Variants in SVEP1 observed in about 807,000 individuals in gnomAD.
SVEP1 encodes the protein sushi, von Willebrand factor type A, EGF and pentraxin domain containing 1, also known as sushi, von Willebrand factor type A, EGF and pentraxin domain-containing protein 1.
Under a neutral mutation model 367.3 loss-of-function variants are expected in SVEP1, and 164 were observed. The ratio of observed to expected loss-of-function variants is 0.45; its 90% CI spans 0.39 to 0.51. The LOEUF is 0.51. Among genes scored for constraint, SVEP1 ranks in the 20% least tolerant of loss-of-function variants. The pLI is 0.00. For missense variants in SVEP1, 4,117 were observed against 4,425.3 expected, an observed-to-expected ratio of 0.93 and a Z score of 1.98; for synonymous variants, 1,666 against 1,611.6, an observed-to-expected ratio of 1.03 and a Z score of -0.81.
At chr9:110,371,434 A>AC (rs1248991784) in intron 46 of SVEP1, among the ~76,000 whole-genome samples, 23 of 151,798 alleles carry the variant, frequency 1.5e-4, no homozygotes, top group Admixed American at 8.5e-4. Context: ...CTGCAGTGTT[A>AC]TTTTTTCCTC....
chr9:110,390,364 CTTATATCT>C (rs1166732489), intron 40 of SVEP1, among the ~76,000 whole-genome samples: 21 of 11,660 alleles, frequency 1.8e-3, no homozygotes, highest in Admixed American at 4.0e-3. Context: ...TATATATATA[CTTATATCT>C]ACTTATATAT....
intron 32 of SVEP1, among the ~76,000 whole-genome samples, 157 bp downstream of exon 32, chr9:110,431,758 A>G (rs1268754976): frequency 6.6e-6 from 1 of 152,198 alleles, no homozygotes; most frequent in Non-Finnish European, 1.5e-5. Flanking sequence ...TTTAGTTGTT[A>G]CTGATGTGTC....
At chr9:110,556,169 C>G (rs1367752332) in intron 1 of SVEP1, among the ~76,000 whole-genome samples, 1 of 152,130 alleles carries the variant, frequency 6.6e-6, no homozygotes, top group African/African-American at 2.4e-5. Context: ...GTAAGCTTCC[C>G]TTGTCCAGCA....
At chr9:110,466,866 C>G (rs1828946948) in intron 17 of SVEP1, among the ~76,000 whole-genome samples, 1 of 150,934 alleles carries the variant, frequency 6.6e-6, no homozygotes, top group African/African-American at 2.4e-5. Flanking sequence ...GGGAGTAGAA[C>G]ATAAAAGCAG....
At chr9:110,405,748 G>C (rs775361569) in intron 38 of SVEP1, among the ~76,000 whole-genome samples, 11 of 152,130 alleles carry the variant, frequency 7.2e-5, no homozygotes, top group Non-Finnish European at 1.3e-4. Flanking sequence ...ATCATGGCCT[G>C]AATTCTTCAG....
At chr9:110,404,677 C>G in intron 38 of SVEP1, 125 bp from the exon 39 acceptor site, 1 of 860,120 alleles carries the variant, frequency 1.2e-6, no homozygotes, top group East Asian at 2.4e-5. Flanking sequence ...GATTGTTGCA[C>G]AATCAATATG....
At chr9:110,492,444 TA>T (rs574014291) in intron 8 of SVEP1, among the ~76,000 whole-genome samples, 173 of 151,404 alleles carry the variant, frequency 1.1e-3, no homozygotes, top group Non-Finnish European at 2.3e-3. Flanking sequence ...TAGATACTCT[TA>T]TTTTTTTTGC....
At chr9:110,433,994 T>TA (rs915715528) in intron 30 of SVEP1, among the ~76,000 whole-genome samples, 1 of 152,208 alleles carries the variant, frequency 6.6e-6, no homozygotes, top group Non-Finnish European at 1.5e-5. Flanking sequence ...AGTTGCTGAA[T>TA]AAATGAATGA....
At chr9:110,455,471 T>G (rs935372921) in intron 22 of SVEP1, 119 bp downstream of exon 22, 1 of 715,912 alleles carries the variant, frequency 1.4e-6, no homozygotes, top group African/African-American at 1.8e-5. Context: ...AATATGCTTC[T>G]TCAATATGTT....
rs531215056 is a variant in SVEP1, at chr9:110,399,951, G to C, written c.9822+903C>G. 2.8e-4 allele frequency among the ~76,000 whole-genome samples: 43 copies of C among 152,248 alleles called. No homozygotes were observed. In the South Asian group the frequency reaches 6.2e-3, roughly 22 times the overall value. On this transcript the variant is annotated intron_variant, in intron 40 of 47. Transcript: ENST00000374469. The stretch of plus-strand genomic sequence containing the variant: ...TCTTAAATTTCAAATTTAGTGATAC[G>C]GTAATGCTTTCAGCAAAACTGATTG...
chr9:110,572,376 A>T (rs1383545517), intron 1 of SVEP1, among the ~76,000 whole-genome samples: 1 of 152,216 alleles, frequency 6.6e-6, no homozygotes, highest in Non-Finnish European at 1.5e-5. Context: ...GATGTATTTC[A>T]ACCAAACAGA....
At chr9:110,506,186 T>C (rs999262825) in intron 5 of SVEP1, among the ~76,000 whole-genome samples, 4 of 152,172 alleles carry the variant, frequency 2.6e-5, no homozygotes, top group Admixed American at 2.6e-4. Flanking sequence ...TCATGGTGCA[T>C]ATGTGCCACA....
In SVEP1 at chr9:110,388,114, GATAAAAT is replaced by G. The variant is rs1827553931; in HGVS notation, c.9887-663_9887-657del. On this transcript the variant is annotated intron_variant, in intron 41 of 47. Transcript: ENST00000374469. ...CAAGGTCATACTGCTTGTAAGAAGA[GATAAAAT>G]ATAAAATTATCAGAAGGTAAAAGAC... Among the ~76,000 whole-genome samples the G allele has an allele frequency of 2.0e-5, 3 of 152,044 alleles. No homozygotes were observed. In the South Asian group the frequency reaches 6.2e-4, roughly 32 times the overall value.
Position 110,574,173 on chromosome 9 carries a change from C to T in SVEP1, c.531+4840G>A, listed in dbSNP as rs533979967. Among the ~76,000 whole-genome samples the T allele has an allele frequency of 6.6e-5, 10 of 152,366 alleles. No homozygotes were observed. The South Asian group carries it at 2.1e-3, about 32-fold the overall frequency. ...TTCATGTTGTTAAAGAAAATTTCTACATCTCGCGGTTTTTATACAAGAGGA... is the reference window on the plus strand; with the variant it reads ...TTCATGTTGTTAAAGAAAATTTCTATATCTCGCGGTTTTTATACAAGAGGA... On this transcript the variant is annotated intron_variant, in intron 1 of 47. Transcript: ENST00000374469.
At chr9:110,387,620 C>G (rs1373018493) in intron 41 of SVEP1, among the ~76,000 whole-genome samples, 162 bp from the exon 42 acceptor site, 2 of 152,100 alleles carry the variant, frequency 1.3e-5, no homozygotes, top group African/African-American at 2.4e-5. Context: ...TATAGCATAC[C>G]TAAGTATTGG....
At chr9:110,537,565 T>C (rs559656013) in intron 3 of SVEP1, among the ~76,000 whole-genome samples, 2 of 152,046 alleles carry the variant, frequency 1.3e-5, no homozygotes, top group Non-Finnish European at 2.9e-5. Context: ...GAAAAAAATA[T>C]GTTACATTAG....
At chr9:110,578,931 C>A (rs931326631) in intron 1 of SVEP1, 82 bp downstream of exon 1, 16 of 1,475,506 alleles carry the variant, frequency 1.1e-5, no homozygotes, top group East Asian at 7.4e-5. Context: ...CAGGACTGAA[C>A]CCCGGGATAG....
At chr9:110,501,989 A>G (rs529679874) in intron 6 of SVEP1, among the ~76,000 whole-genome samples, 243 of 152,046 alleles carry the variant, frequency 1.6e-3, no homozygotes, top group Non-Finnish European at 2.3e-3. Flanking sequence ...ATAATTTTCT[A>G]TCTTTTTTGG....
At chr9:110,545,130 T>C (rs1830202728) in intron 3 of SVEP1, among the ~76,000 whole-genome samples, 2 of 152,214 alleles carry the variant, frequency 1.3e-5, no homozygotes, top group African/African-American at 4.8e-5. Flanking sequence ...TCTTCCATTG[T>C]GTATATAGAC....
Sources: allele counts gnomAD v4.1 joint callset (sites outside exome capture counted in the v4.1 genomes callset), GRCh38; gene constraint gnomAD v4.1.1; transcripts MANE v1.5; gene names NCBI Gene and HGNC (gene_info 2026-07-23, HGNC 2026-07-21).